The following RBFOX1 variants were observed in gnomAD, a reference collection of about 807,000 sequenced individuals.
The protein encoded by RBFOX1 is RNA binding fox-1 homolog 1, also known as RNA binding protein fox-1 homolog 1.
Under a neutral mutation model 57.7 loss-of-function variants are expected in RBFOX1, and 8 were observed. That is an observed-to-expected ratio of 0.14 (90% CI 0.08 to 0.25). The LOEUF is 0.25. RBFOX1 is among the 10% of genes least tolerant of loss of function. The pLI, the probability that RBFOX1 is intolerant of heterozygous loss-of-function variation, is 1.00. For synonymous variants in RBFOX1, 326 were observed against 222.4 expected (o/e 1.47, Z -4.15); for missense variants, 611 against 548.5 (o/e 1.11, Z -1.14).
At chr16:6,695,249 G>A (rs1176888147) in intron 3 of RBFOX1, among the ~76,000 whole-genome samples, 8 of 151,806 alleles carry the variant, frequency 5.3e-5, no homozygotes, top group African/African-American at 9.7e-5. Flanking sequence ...GTGAAACTCC[G>A]TCTCTACTGA....
chr16:7,535,508 C>T (rs377510962), intron 5 of RBFOX1, among the ~76,000 whole-genome samples: 3 of 152,316 alleles, frequency 2.0e-5, no homozygotes, highest in East Asian at 3.9e-4. Context: ...AAGCTAGATA[C>T]AGGGAAGGGA....
chr16:5,630,047 C>A (rs2048457113), intron 3 of RBFOX1, among the ~76,000 whole-genome samples: 1 of 152,174 alleles, frequency 6.6e-6, no homozygotes, highest in African/African-American at 2.4e-5. Flanking sequence ...AATGCAGATA[C>A]ATATCAGGAT....
chr16:6,922,061 C>T (rs929431424), intron 3 of RBFOX1, among the ~76,000 whole-genome samples: 3 of 152,136 alleles, frequency 2.0e-5, no homozygotes, highest in Non-Finnish European at 4.4e-5. Context: ...GCTGGTATTA[C>T]TATTCAGGTT....
chr16:7,445,685 T>G lies in RBFOX1; in HGVS notation c.28-72462T>G, dbSNP rs537678154. Among the ~76,000 whole-genome samples the G allele has an allele frequency of 4.6e-5, 7 of 152,348 alleles. No homozygotes were observed. The South Asian group carries it at 1.5e-3, about 32-fold the overall frequency. On this transcript the variant is annotated intron_variant, in intron 4 of 15. Coordinates refer to ENST00000550418, the MANE Select transcript of RBFOX1 (RefSeq NM_018723.4). ...ACAAGATCTACATGGTACCACAGTT[T>G]TTGTTGCTGTTACTGTTGTTGTTGT...
intron 4 of RBFOX1, among the ~76,000 whole-genome samples, chr16:7,136,511 A>AT (rs1273358647): frequency 1.4e-5 from 2 of 146,776 alleles, no homozygotes; most frequent in African/African-American, 5.1e-5. Flanking sequence ...GGCTAAAGTG[A>AT]TTTTCTAACC....
intron 2 of RBFOX1, among the ~76,000 whole-genome samples, chr16:6,487,409 A>T (rs1266649912): frequency 6.6e-6 from 1 of 151,908 alleles, no homozygotes; most frequent in Non-Finnish European, 1.5e-5. Context: ...TTGTTTGCTT[A>T]TGATGTCTGA....
intron 4 of RBFOX1, among the ~76,000 whole-genome samples, chr16:7,507,326 A>C (rs1278910057): frequency 6.7e-6 from 1 of 150,124 alleles, no homozygotes; most frequent in Admixed American, 6.6e-5. Context: ...TTCTTCTCTC[A>C]TGTGTGTAGA....
intron 4 of RBFOX1, among the ~76,000 whole-genome samples, chr16:7,416,583 C>G (rs567334619): frequency 5.3e-5 from 8 of 152,152 alleles, no homozygotes; most frequent in Non-Finnish European, 5.9e-5. Flanking sequence ...CTTCTGGGGA[C>G]AGCCTTCTTG....
chr16:6,833,823 A>G (rs1003756862), intron 3 of RBFOX1, among the ~76,000 whole-genome samples: 19 of 152,240 alleles, frequency 1.2e-4, no homozygotes, highest in Admixed American at 4.6e-4. Context: ...TAGGAATTAG[A>G]TAGGAAGAGA....
At chr16:7,076,514 A>C (rs1460555354) in intron 4 of RBFOX1, among the ~76,000 whole-genome samples, 2 of 152,198 alleles carry the variant, frequency 1.3e-5, no homozygotes, top group East Asian at 3.9e-4. Flanking sequence ...AATATACAAA[A>C]AATAATGCCA....
At chr16:6,879,112 A>G (rs1172119534) in intron 3 of RBFOX1, among the ~76,000 whole-genome samples, 1 of 152,228 alleles carries the variant, frequency 6.6e-6, no homozygotes, top group Non-Finnish European at 1.5e-5. Flanking sequence ...TGAATATATT[A>G]CAGTTTGACC....
chr16:6,404,117 C>A (rs971526043), intron 2 of RBFOX1, among the ~76,000 whole-genome samples: 15 of 152,214 alleles, frequency 9.9e-5, no homozygotes, highest in African/African-American at 3.6e-4. Flanking sequence ...CAACCAACCA[C>A]AGATCGAAAA....
At chr16:5,464,652 CTGTT>C (rs2068898191) in intron 1 of RBFOX1, among the ~76,000 whole-genome samples, 1 of 152,196 alleles carries the variant, frequency 6.6e-6, no homozygotes. Context: ...GAGGCCTCCT[CTGTT>C]TGTGCCCCAT....
At chr16:6,108,693 A>G (rs113709213) in intron 1 of RBFOX1, among the ~76,000 whole-genome samples, 4 of 152,252 alleles carry the variant, frequency 2.6e-5, no homozygotes, top group African/African-American at 4.8e-5. Flanking sequence ...TACTGGGCCT[A>G]TCTCCTTCTC....
intron 3 of RBFOX1, among the ~76,000 whole-genome samples, chr16:6,808,257 C>T (rs891653981): frequency 3.3e-5 from 5 of 151,258 alleles, no homozygotes; most frequent in Non-Finnish European, 5.9e-5. Context: ...CTACTGATGC[C>T]CCATCACTTT....
At chr16:7,096,515 G>A (rs1377817090) in intron 4 of RBFOX1, among the ~76,000 whole-genome samples, 1 of 152,092 alleles carries the variant, frequency 6.6e-6, no homozygotes, top group African/African-American at 2.4e-5. Context: ...AAAGTTTTGA[G>A]GCCAATTTTC....
intron 1 of RBFOX1, among the ~76,000 whole-genome samples, chr16:6,200,727 T>A (rs2152828908): frequency 6.6e-6 from 1 of 152,228 alleles, no homozygotes; most frequent in African/African-American, 2.4e-5. Flanking sequence ...TCTGAAGGGT[T>A]GTGTCTTGTG....
At chr16:7,376,166 CAT>C (rs1181298228) in intron 4 of RBFOX1, among the ~76,000 whole-genome samples, 4 of 152,124 alleles carry the variant, frequency 2.6e-5, no homozygotes, top group Admixed American at 6.5e-5. Flanking sequence ...ATTTTTGGAA[CAT>C]ATATGTTTAT....
At chr16:7,392,420 C>G (rs1272899098) in intron 4 of RBFOX1, among the ~76,000 whole-genome samples, 1 of 152,208 alleles carries the variant, frequency 6.6e-6, no homozygotes, top group Non-Finnish European at 1.5e-5. Context: ...CAAAAAGTGT[C>G]TGGCTCCTAG....
Sources: allele counts gnomAD v4.1 joint callset (sites outside exome capture counted in the v4.1 genomes callset), GRCh38; gene constraint gnomAD v4.1.1; transcripts MANE v1.5; gene names NCBI Gene and HGNC (gene_info 2026-07-23, HGNC 2026-07-21).